Variants in ZNF736 observed in about 807,000 individuals in gnomAD.
The protein encoded by ZNF736 is KRAB-containing zinc-finger repressor protein.
In ZNF736, 6 loss-of-function variants were observed where a neutral mutation model predicts 11.7. The observed-to-expected ratio is 0.51, with a 90% confidence interval of 0.28 to 1.01. The LOEUF (loss-of-function observed/expected upper bound fraction) is 1.01, where lower values mean the gene tolerates loss of function less well. Among genes scored for constraint, ZNF736 ranks in the 50% least tolerant of loss-of-function variants. The probability of loss-of-function intolerance (pLI) is 0.09; values close to 1 mark genes in which losing one functional copy is unlikely to be tolerated. For synonymous variants in ZNF736, 139 were observed against 164.7 expected (o/e 0.84, Z 1.19); for missense variants, 444 against 496.0 (o/e 0.90, Z 1.00).
chr7:64,331,119 C>A (rs377191582), intron 1 of ZNF736, among the ~76,000 whole-genome samples: 5 of 152,150 alleles, frequency 3.3e-5, no homozygotes, highest in African/African-American at 9.7e-5. Context: ...AGCAAAGCAC[C>A]AGGATTTGCC....
intron 1 of ZNF736, among the ~76,000 whole-genome samples, chr7:64,332,654 C>G (rs527759510): frequency 6.6e-6 from 1 of 152,224 alleles, no homozygotes; most frequent in East Asian, 1.9e-4. Flanking sequence ...GAGGGTACTG[C>G]AGGAGACCAG....
chr7:64,314,225 G>T, intron 1 of ZNF736, 72 bp downstream of exon 1: 4 of 1,537,900 alleles, frequency 2.6e-6, no homozygotes, highest in Non-Finnish European at 3.5e-6. Flanking sequence ...CGGCTGCGGT[G>T]GTATCTGGGC....
In ZNF736 at chr7:64,351,714, C is replaced by G. The variant is rs1789491523; in HGVS notation, c.*2567C>G. ...ACACTTTACTACAGATGCTCTTGCACCAAACCCTCTGGCCACCACATGAGC... is the reference window on the plus strand; with the variant it reads ...ACACTTTACTACAGATGCTCTTGCAGCAAACCCTCTGGCCACCACATGAGC... On this transcript the variant is annotated 3_prime_UTR_variant, in exon 4 of 4. Coordinates refer to ENST00000423484, the MANE Select transcript of ZNF736 (RefSeq NM_001170905.3). 1 of 152,296 alleles carries G rather than the reference C, an allele frequency of 6.6e-6. No individual in the cohort carries two copies. Among genetic ancestry groups the G allele is most frequent in the African/African-American group, 2.4e-5 (1 of 41,458 alleles). The allele number at this position is 152,296 out of a possible 1,614,324, so 9.4% of individuals were successfully genotyped here. A position where few individuals can be genotyped will look rare whatever the true frequency, so the allele number is the denominator to read the frequency against.
chr7:64,323,169 G>A (rs1789025684), intron 1 of ZNF736, among the ~76,000 whole-genome samples: 1 of 152,174 alleles, frequency 6.6e-6, no homozygotes, highest in Non-Finnish European at 1.5e-5. Context: ...CTCGAAACAT[G>A]TAAATTCTGT....
chr7:64,331,510 G>A (rs971093024), intron 1 of ZNF736, among the ~76,000 whole-genome samples: 3 of 152,152 alleles, frequency 2.0e-5, no homozygotes, highest in Admixed American at 6.5e-5. Flanking sequence ...GCTAAAACTA[G>A]GTCCTGTGAT....
In ZNF736 at chr7:64,314,122, A is replaced by C. The variant is rs770435575; in HGVS notation, c.-29A>C. The C allele has an allele frequency of 7.7e-6, 12 of 1,551,828 alleles. No individual in the cohort carries two copies. The South Asian group carries it at 1.4e-4, about 18-fold the overall frequency. On this transcript the variant is annotated 5_prime_UTR_variant, in exon 1 of 4. Transcript: ENST00000423484. ...TGCAGGTACTGGGAGATCCATAGGG[A>C]GGACGGCGGAACATCTGGAGGCTGG...
chr7:64,342,215 A>T lies in ZNF736; in HGVS notation c.226+5233A>T, dbSNP rs141943034. On this transcript the variant is annotated intron_variant, in intron 3 of 3. Coordinates refer to ENST00000423484, the MANE Select transcript of ZNF736 (RefSeq NM_001170905.3). The stretch of plus-strand genomic sequence containing the variant: ...AAATCTGTGCATTATGTTAGAGAGG[A>T]GTAGGGAGATTTGGTTAAGAGATTT... Among the ~76,000 whole-genome samples the T allele has an allele frequency of 2.4e-3, 364 of 152,116 alleles. 6 individuals are homozygous for T. The highest frequency in any genetic ancestry group is 8.2e-3 in the African/African-American group (341 of 41,520).
intron 1 of ZNF736, among the ~76,000 whole-genome samples, chr7:64,328,873 C>T (rs1401496385): frequency 6.6e-6 from 1 of 151,852 alleles, no homozygotes; most frequent in Non-Finnish European, 1.5e-5. Context: ...TCTAGTTATC[C>T]CTTTGAATAA....
intron 1 of ZNF736, among the ~76,000 whole-genome samples, chr7:64,319,550 C>T (rs1788974590): frequency 1.7e-5 from 2 of 120,658 alleles, no homozygotes; most frequent in South Asian, 5.6e-4. Context: ...GACTGGAGTG[C>T]AGTCGAGCGG....
intron 1 of ZNF736, among the ~76,000 whole-genome samples, chr7:64,323,934 G>T (rs1393625395): frequency 1.3e-5 from 2 of 152,112 alleles, no homozygotes; most frequent in African/African-American, 2.4e-5. Flanking sequence ...AAAGCAGGGG[G>T]TATTTGTGGT....
chr7:64,314,916 G>A (rs1414560333), intron 1 of ZNF736, among the ~76,000 whole-genome samples: 1 of 152,168 alleles, frequency 6.6e-6, no homozygotes, highest in Non-Finnish European at 1.5e-5. Flanking sequence ...GTGTTTTCCA[G>A]CCCAAATCTC....
chr7:64,335,793 C>T (rs619102), intron 1 of ZNF736, among the ~76,000 whole-genome samples: 87,115 of 152,008 alleles, frequency 0.57, 25,649 homozygotes, highest in Middle Eastern at 0.68. Flanking sequence ...CCAGAAGCAA[C>T]GATACCACTG....
chr7:64,317,505 T>A (rs1788933597), intron 1 of ZNF736, among the ~76,000 whole-genome samples: 1 of 152,172 alleles, frequency 6.6e-6, no homozygotes, highest in African/African-American at 2.4e-5. Context: ...TTTTCAGAGC[T>A]ATGTAGAGAG....
At chr7:64,344,024 C>T (rs1259947197) in intron 3 of ZNF736, among the ~76,000 whole-genome samples, 2 of 151,414 alleles carry the variant, frequency 1.3e-5, no homozygotes, top group African/African-American at 2.4e-5. Context: ...ATACAAGGGC[C>T]GAGCATGGTG....
intron 1 of ZNF736, among the ~76,000 whole-genome samples, chr7:64,323,674 A>C (rs1259319305): frequency 1.3e-5 from 2 of 152,254 alleles, no homozygotes; most frequent in Non-Finnish European, 2.9e-5. Context: ...CATACTAATA[A>C]GTGGAAGCTG....
chr7:64,355,435 T>C lies in ZNF736; in HGVS notation c.*6288T>C, dbSNP rs1423824305. ...TCTTGCTCTGTCACCCAAGCTGGTG[T>C]GCAGTGGTGTGATCTTGGCTCGCTG... On this transcript the variant is annotated 3_prime_UTR_variant, in exon 4 of 4. Coordinates refer to ENST00000423484, the MANE Select transcript of ZNF736 (RefSeq NM_001170905.3). 6.6e-6 allele frequency: 1 copy of C among 151,904 alleles called. No homozygotes were observed. Among genetic ancestry groups the C allele is most frequent in the Non-Finnish European group, 1.5e-5 (1 of 68,044 alleles). 9.4% of individuals were successfully genotyped at this position (151,904 alleles called of 1,614,324 possible). A position where few individuals can be genotyped will look rare whatever the true frequency, so the allele number is the denominator to read the frequency against.
intron 1 of ZNF736, among the ~76,000 whole-genome samples, chr7:64,331,219 A>G (rs1789161078): frequency 6.6e-6 from 1 of 152,154 alleles, no homozygotes; most frequent in African/African-American, 2.4e-5. Flanking sequence ...GGCTACCTGA[A>G]ACTCAGGTTT....
intron 1 of ZNF736, among the ~76,000 whole-genome samples, chr7:64,319,518 CAG>C (rs1432899366): frequency 8.7e-5 from 7 of 80,604 alleles, no homozygotes; most frequent in Non-Finnish European, 1.5e-4. Context: ...TTTTTTGAGA[CAG>C]AGTCTTGCTC....
chr7:64,328,576 C>T (rs185089604), intron 1 of ZNF736, among the ~76,000 whole-genome samples: 16 of 152,120 alleles, frequency 1.1e-4, no homozygotes, highest in Admixed American at 7.9e-4. Flanking sequence ...CTGGCTAACA[C>T]GGTGAAACCC....
Sources: gnomAD v4.1 joint callset for allele counts (sites outside exome capture counted in the v4.1 genomes callset) on GRCh38, gnomAD v4.1.1 for gene constraint, MANE v1.5 for transcripts, NCBI Gene and HGNC (gene_info 2026-07-23, HGNC 2026-07-21) for gene names.